Variants in SNTG1 observed in about 807,000 individuals in gnomAD.
SNTG1 encodes syntrophin gamma 1.
In SNTG1, 39 loss-of-function variants were observed where a neutral mutation model predicts 74.7. That is an observed-to-expected ratio of 0.52 (90% CI 0.40 to 0.68). The LOEUF (loss-of-function observed/expected upper bound fraction) is 0.68. Among genes scored for constraint, SNTG1 ranks in the 30% least tolerant of loss-of-function variants. The probability of loss-of-function intolerance (pLI) is 0.00; values close to 1 mark genes in which losing one functional copy is unlikely to be tolerated. For synonymous variants in SNTG1, 254 were observed against 217.1 expected, an observed-to-expected ratio of 1.17 and a Z score of -1.49; for missense variants, 685 against 609.5, an observed-to-expected ratio of 1.12 and a Z score of -1.30.
intron 13 of SNTG1, among the ~76,000 whole-genome samples, chr8:50,647,407 C>A (rs1585948083): frequency 6.6e-6 from 1 of 151,848 alleles, no homozygotes; most frequent in South Asian, 2.1e-4. Context: ...AATACCTGAA[C>A]AAGCACCTCA....
chr8:50,324,345 C>A (rs924332834), intron 2 of SNTG1, among the ~76,000 whole-genome samples: 2 of 152,220 alleles, frequency 1.3e-5, no homozygotes, highest in African/African-American at 4.8e-5. Flanking sequence ...GCAATTTATG[C>A]CACAGTTGTT....
At chr8:50,691,701 T>C (rs1028465144) in intron 15 of SNTG1, among the ~76,000 whole-genome samples, 4 of 152,208 alleles carry the variant, frequency 2.6e-5, no homozygotes, top group Admixed American at 2.6e-4. Context: ...TCATTTCAAC[T>C]TTGGTGAATC....
intron 18 of SNTG1, among the ~76,000 whole-genome samples, chr8:50,768,039 G>T (rs2095618125): frequency 6.6e-6 from 1 of 151,980 alleles, no homozygotes; most frequent in Admixed American, 6.6e-5. Context: ...AGAAGGGAAA[G>T]AAATTTGCTT....
intron 10 of SNTG1, among the ~76,000 whole-genome samples, chr8:50,535,103 T>C (rs1241142240): frequency 6.6e-6 from 1 of 152,186 alleles, no homozygotes; most frequent in East Asian, 1.9e-4. Flanking sequence ...TTTAGATATA[T>C]TGAAAATAGT....
intron 8 of SNTG1, among the ~76,000 whole-genome samples, chr8:50,499,745 T>C (rs1033388649): frequency 6.6e-5 from 10 of 151,932 alleles, no homozygotes; most frequent in African/African-American, 2.4e-4. Flanking sequence ...TCAACAGATA[T>C]GAATTTTGAA....
intron 2 of SNTG1, among the ~76,000 whole-genome samples, chr8:50,293,406 T>C (rs1293799752): frequency 6.7e-6 from 1 of 149,526 alleles, no homozygotes; most frequent in Non-Finnish European, 1.5e-5. Context: ...TAGGCTTCTT[T>C]TTTTTTTTTT....
intron 17 of SNTG1, among the ~76,000 whole-genome samples, chr8:50,728,120 T>C (rs1169559235): frequency 6.6e-6 from 1 of 152,170 alleles, no homozygotes; most frequent in African/African-American, 2.4e-5. Flanking sequence ...CTCTGACCCA[T>C]GTAGTCTACC....
intron 17 of SNTG1, among the ~76,000 whole-genome samples, chr8:50,713,542 A>G (rs1457093753): frequency 6.6e-6 from 1 of 151,930 alleles, no homozygotes; most frequent in African/African-American, 2.4e-5. Flanking sequence ...TTTTGTTGTA[A>G]TTGCTTTTGG....
rs571225597 is a variant in SNTG1 at position 50,383,906 on chromosome 8, G to T, written c.-27-10306G>T. ...TTCAGAGGCAATGGAGTCCAAAGTG[G>T]CTGGGAGTATCTCAACTTCCAATTC... On this transcript the variant is annotated intron_variant, in intron 2 of 18. Coordinates refer to ENST00000642720, the MANE Select transcript of SNTG1 (RefSeq NM_018967.5). 2.9e-3 allele frequency among the ~76,000 whole-genome samples: 438 copies of T among 152,264 alleles called. 2 individuals carry two copies. The highest frequency in any genetic ancestry group is 0.015 in the South Asian group (71 of 4,816).
At chr8:50,394,427 A>G (rs1243516390) in intron 3 of SNTG1, among the ~76,000 whole-genome samples, 162 bp downstream of exon 3, 2 of 152,228 alleles carry the variant, frequency 1.3e-5, no homozygotes, top group East Asian at 3.8e-4. Flanking sequence ...GCAAAGATAG[A>G]AAACCTAACT....
chr8:49,924,682 A>C (rs933822117), intron 1 of SNTG1, among the ~76,000 whole-genome samples: 3 of 151,930 alleles, frequency 2.0e-5, no homozygotes, highest in African/African-American at 7.3e-5. Flanking sequence ...TTTCATGATG[A>C]TACTCCAAAA....
intron 17 of SNTG1, among the ~76,000 whole-genome samples, chr8:50,733,080 C>T (rs780589187): frequency 6.6e-6 from 1 of 151,826 alleles, no homozygotes; most frequent in Non-Finnish European, 1.5e-5. Flanking sequence ...CAACAGACAA[C>T]CCCCTCCCTA....
chr8:49,938,465 T>C (rs928749020), intron 1 of SNTG1, among the ~76,000 whole-genome samples: 2 of 152,212 alleles, frequency 1.3e-5, no homozygotes, highest in Non-Finnish European at 2.9e-5. Flanking sequence ...TTCAAATTAA[T>C]TGCAGGGCTA....
In SNTG1 at chr8:50,030,022, C is replaced by T. The variant is rs192116146; in HGVS notation, c.-103+117791C>T. ...CTCACCAGCATTTTTTATTGCTTAC[C>T]GTTTAGATAAAAGCCATTTTTACTG... is the stretch of plus-strand genomic sequence containing the variant. On this transcript the variant is annotated intron_variant, in intron 1 of 18. Coordinates refer to ENST00000642720, the MANE Select transcript of SNTG1 (RefSeq NM_018967.5). Among the ~76,000 whole-genome samples the T allele has an allele frequency of 3.4e-3, 518 of 152,090 alleles. 1 individual carries two copies. The highest frequency in any genetic ancestry group is 5.7e-3 in the Non-Finnish European group (387 of 67,940).
intron 2 of SNTG1, among the ~76,000 whole-genome samples, chr8:50,284,678 C>G (rs534792354): frequency 1.4e-4 from 22 of 152,190 alleles, no homozygotes; most frequent in African/African-American, 5.1e-4. Flanking sequence ...GTATAAGCTT[C>G]TTGATCATTT....
At chr8:50,559,357 G>A (rs1438558896) in intron 12 of SNTG1, among the ~76,000 whole-genome samples, 1 of 152,068 alleles carries the variant, frequency 6.6e-6, no homozygotes, top group Non-Finnish European at 1.5e-5. Context: ...CCTAGAGAAA[G>A]CCTTAACTAA....
chr8:50,264,476 A>G (rs2087352759), intron 2 of SNTG1, among the ~76,000 whole-genome samples: 1 of 151,938 alleles, frequency 6.6e-6, no homozygotes, highest in Admixed American at 6.6e-5. Flanking sequence ...GGGTGGAGGT[A>G]GGAGAATCAC....
At chr8:49,928,182 A>AATAT (rs1328680888) in intron 1 of SNTG1, among the ~76,000 whole-genome samples, 1 of 142,900 alleles carries the variant, frequency 7.0e-6, no homozygotes, top group African/African-American at 2.6e-5. Context: ...TAAATAAATA[A>AATAT]AAATAAAAAA....
chr8:50,539,302 T>A (rs2094329306), intron 11 of SNTG1, among the ~76,000 whole-genome samples: 1 of 152,162 alleles, frequency 6.6e-6, no homozygotes, highest in Non-Finnish European at 1.5e-5. Flanking sequence ...GTTTTGTTGT[T>A]GTTGTTGTTG....
Sources: allele counts gnomAD v4.1 joint callset (sites outside exome capture counted in the v4.1 genomes callset), GRCh38; gene constraint gnomAD v4.1.1; transcripts MANE v1.5; gene names NCBI Gene and HGNC (gene_info 2026-07-23, HGNC 2026-07-21).